ITGB6: variants seen among roughly 807,000 people sequenced by gnomAD.
ITGB6 encodes integrin beta-6.
A neutral mutation model predicts 84.5 loss-of-function variants in ITGB6; 80 were observed. That is an observed-to-expected ratio of 0.95 (90% confidence interval 0.79 to 1.14). The LOEUF is 1.14. Among genes scored for constraint, ITGB6 ranks in the 50% most tolerant of loss-of-function variants. ITGB6 has a pLI of 0.00. For synonymous variants in ITGB6, 383 were observed against 354.9 expected (o/e 1.08, Z -0.89); for missense variants, 1,006 against 968.0 (o/e 1.04, Z -0.52).
At chr2:160,109,348 A>G (rs1697030807) in intron 13 of ITGB6, among the ~76,000 whole-genome samples, 1 of 152,226 alleles carries the variant, frequency 6.6e-6, no homozygotes, top group Non-Finnish European at 1.5e-5. Context: ...CATTCCTGCA[A>G]ATAAAGCGGC....
In ITGB6 at chr2:160,136,446, G is replaced by A. The variant is rs1314771302; in HGVS notation, c.1660+988C>T. Among the ~76,000 whole-genome samples the A allele has an allele frequency of 1.7e-4, 26 of 152,272 alleles. No homozygotes were observed. In the South Asian group the frequency reaches 3.7e-3, roughly 22 times the overall value. ...GGAGAAATAGGAACACTTTTACACT[G>A]TTGGTGGGACTGTAAACTAGTTCAA... On this transcript the variant is annotated intron_variant, in intron 10 of 14. Transcript: ENST00000283249.
chr2:160,114,214 A>AT (rs1559092783), intron 12 of ITGB6, among the ~76,000 whole-genome samples: 1 of 152,082 alleles, frequency 6.6e-6, no homozygotes, highest in African/African-American at 2.4e-5. Flanking sequence ...ACTCCTTTTC[A>AT]TGACTGTTAC....
chr2:160,178,535 A>G (rs547058903), intron 4 of ITGB6, among the ~76,000 whole-genome samples: 1 of 152,282 alleles, frequency 6.6e-6, no homozygotes, highest in South Asian at 2.1e-4. Flanking sequence ...TAAAATTTTA[A>G]TTTAACTCAC....
chr2:160,137,124 T>C (rs1574073412), intron 10 of ITGB6, among the ~76,000 whole-genome samples: 1 of 150,120 alleles, frequency 6.7e-6, no homozygotes, highest in African/African-American at 2.5e-5. Flanking sequence ...ACCTGGAAGG[T>C]AATGGAGTTC....
At chr2:160,156,619 C>CT (rs1684632026) in intron 7 of ITGB6, among the ~76,000 whole-genome samples, 2 of 152,298 alleles carry the variant, frequency 1.3e-5, no homozygotes, top group Admixed American at 6.5e-5. Context: ...ATAGCTAGAG[C>CT]TAACCGTTAG....
At chr2:160,172,470 C>T in intron 6 of ITGB6, 99 bp downstream of exon 6, 1 of 1,184,366 alleles carries the variant, frequency 8.4e-7, no homozygotes, top group South Asian at 1.8e-5. Flanking sequence ...ATGTGCACTG[C>T]TTTCACCAAG....
At chr2:160,163,987 T>C (rs1330836780) in intron 7 of ITGB6, among the ~76,000 whole-genome samples, 1 of 152,220 alleles carries the variant, frequency 6.6e-6, no homozygotes, top group Non-Finnish European at 1.5e-5. Context: ...ACCATGATAT[T>C]GTTAGCATCA....
At chr2:160,119,970 C>T (rs1368909529) in intron 12 of ITGB6, among the ~76,000 whole-genome samples, 1 of 151,876 alleles carries the variant, frequency 6.6e-6, no homozygotes, top group African/African-American at 2.4e-5. Context: ...CAATGAGATA[C>T]CATCTCACAC....
chr2:160,190,995 T>A (rs140378082), intron 4 of ITGB6, among the ~76,000 whole-genome samples: 1 of 152,282 alleles, frequency 6.6e-6, no homozygotes, highest in East Asian at 1.9e-4. Flanking sequence ...CTATGGAAGC[T>A]TATTGTAGGG....
intron 4 of ITGB6, among the ~76,000 whole-genome samples, chr2:160,189,532 A>G (rs1267799290): frequency 6.6e-6 from 1 of 152,232 alleles, no homozygotes; most frequent in African/African-American, 2.4e-5. Flanking sequence ...CCCCATCAAA[A>G]AGTGGGCGAA....
intron 10 of ITGB6, among the ~76,000 whole-genome samples, chr2:160,127,004 C>G (rs1428408265): frequency 2.0e-5 from 3 of 152,176 alleles, no homozygotes; most frequent in African/African-American, 7.2e-5. Context: ...CTTTGGAATT[C>G]AGGCACAGCT....
chr2:160,178,642 C>G (rs978862708), intron 4 of ITGB6, among the ~76,000 whole-genome samples: 1 of 150,838 alleles, frequency 6.6e-6, no homozygotes, highest in African/African-American at 2.4e-5. Context: ...ATGTTTTGAT[C>G]AGAGTTCATT....
At chr2:160,117,752 A>G (rs1449687012) in intron 12 of ITGB6, among the ~76,000 whole-genome samples, 2 of 152,186 alleles carry the variant, frequency 1.3e-5, no homozygotes, top group East Asian at 3.8e-4. Flanking sequence ...GATCAACAAA[A>G]TCAATAGACC....
chr2:160,141,498 A>T (rs952555978), intron 8 of ITGB6, among the ~76,000 whole-genome samples: 5 of 152,226 alleles, frequency 3.3e-5, no homozygotes, highest in Non-Finnish European at 7.3e-5. Flanking sequence ...TAGTTCTCCA[A>T]AGTATAGAAA....
chr2:160,104,810 T>C (rs955662619), intron 14 of ITGB6, among the ~76,000 whole-genome samples: 1 of 152,256 alleles, frequency 6.6e-6, no homozygotes, highest in African/African-American at 2.4e-5. Flanking sequence ...TGGGCATTAT[T>C]TTTTAAAGCA....
At chr2:160,186,727 A>G (rs1205961816) in intron 4 of ITGB6, among the ~76,000 whole-genome samples, 2 of 152,246 alleles carry the variant, frequency 1.3e-5, no homozygotes, top group South Asian at 4.1e-4. Context: ...AATGTCCATC[A>G]ATGATAGACT....
At chr2:160,152,702 T>C (rs1684476225) in intron 7 of ITGB6, among the ~76,000 whole-genome samples, 1 of 152,152 alleles carries the variant, frequency 6.6e-6, no homozygotes, top group Non-Finnish European at 1.5e-5. Flanking sequence ...GAAAACCCCA[T>C]CATCTCAGCC....
At chr2:160,129,668 A>T (rs60454853) in intron 10 of ITGB6, among the ~76,000 whole-genome samples, 29,756 of 152,082 alleles carry the variant, frequency 0.2, 3,196 homozygotes, top group Admixed American at 0.32. Flanking sequence ...GTGAAACAGG[A>T]TTCTACTTGC....
At position 160,157,748 on chromosome 2, in the gene ITGB6, C is replaced by CAAAA. The variant is rs11364475; in HGVS notation, c.1017+11460_1017+11463dup. ...GTAGGAAGTAGCAAAAGCACAGAGG[C>CAAAA]AAAAAAAAAAAAAAAAAAAAAATCC... On this transcript the variant is annotated intron_variant, in intron 7 of 14. Transcript: ENST00000283249. Among the ~76,000 whole-genome samples the CAAAA allele has an allele frequency of 9.3e-4, 78 of 84,140 alleles. 2 individuals are homozygous for CAAAA. The highest frequency in any genetic ancestry group is 1.4e-3 in the Admixed American group (10 of 7,204). The allele number at this position is 84,140 out of a possible 152,430, so 55.2% of individuals were successfully genotyped here.
Sources: gnomAD v4.1 joint callset for allele counts (sites outside exome capture counted in the v4.1 genomes callset) on GRCh38, gnomAD v4.1.1 for gene constraint, MANE v1.5 for transcripts, NCBI Gene and HGNC (gene_info 2026-07-23, HGNC 2026-07-21) for gene names.